Variants in TEX15 observed in about 807,000 individuals in gnomAD.
TEX15 encodes testis-expressed protein 15.
Under a neutral mutation model 237.3 loss-of-function variants are expected in TEX15, and 171 were observed. The ratio of observed to expected loss-of-function variants is 0.72; its 90% CI spans 0.64 to 0.82. The LOEUF (loss-of-function observed/expected upper bound fraction) is 0.82, where lower values mean the gene tolerates loss of function less well. Among genes scored for constraint, TEX15 ranks in the 40% least tolerant of loss-of-function variants. The probability of loss-of-function intolerance (pLI) is 0.00; values close to 1 mark genes in which losing one functional copy is unlikely to be tolerated. For missense variants in TEX15, 3,750 were observed against 3,646.5 expected (o/e 1.03, Z -0.73); for synonymous variants, 1,338 against 1,269.8 (o/e 1.05, Z -1.14).
Position 30,887,198 on chromosome 8 carries a change from G to A in TEX15, c.105C>T (p.Thr35=), listed in dbSNP as rs1294908974. 16 of 1,534,732 alleles carry A rather than the reference G, an allele frequency of 1.0e-5. No homozygotes were observed. The highest frequency in any genetic ancestry group is 1.3e-5 in the Non-Finnish European group (15 of 1,146,502). Residue 35 remains threonine (T), a synonymous_variant, in exon 3 of 11, where the codon ACC becomes ACT. Transcript: ENST00000643185. The part of the protein sequence containing the change: ...TREVNPLKKF[T]IPKIRRTAEK... The stretch of plus-strand genomic sequence containing the variant: ...CAGCTGTCCTCCTGATCTTAGGAAT[G>A]GTGAATTTCTTCAAAGGATTGACTT...
chr8:30,909,767 A>C (rs774249552), intron 1 of TEX15, among the ~76,000 whole-genome samples: 2 of 152,326 alleles, frequency 1.3e-5, no homozygotes, highest in Middle Eastern at 3.4e-3. Context: ...AACATGCTTA[A>C]TTGAACAAAA....
Position 30,849,045 on chromosome 8 carries a change from T to G in TEX15, c.1122A>C (p.Val374=), listed in dbSNP as rs767819272. 6.2e-7 allele frequency: 1 copy of G among 1,614,154 alleles called. No homozygotes were observed. Among genetic ancestry groups the G allele is most frequent in the Non-Finnish European group, 8.5e-7 (1 of 1,180,020 alleles). ...SLAEIRDTSQ[V]LAHDSDISLM... is the part of the protein sequence containing the mutation. ...GTGAAATGTCTGAATCATGTGCAAG[T>G]ACTTGAGAAGTGTCTCTAATTTCTG... Residue 374 remains valine, a synonymous_variant, in exon 8 of 11, where the codon GTA becomes GTC. Coordinates refer to ENST00000643185, the MANE Select transcript of TEX15 (RefSeq NM_001350162.2).
intron 3 of TEX15, among the ~76,000 whole-genome samples, chr8:30,884,376 C>T (rs909357687): frequency 3.3e-5 from 5 of 152,156 alleles, no homozygotes; most frequent in African/African-American, 1.2e-4. Flanking sequence ...ATTCCTTCTA[C>T]TTGTATCTTC....
At chr8:30,865,451 T>C (rs531865378) in intron 5 of TEX15, among the ~76,000 whole-genome samples, 2 of 152,170 alleles carry the variant, frequency 1.3e-5, no homozygotes, top group South Asian at 4.1e-4. Context: ...ACTTCCAAAC[T>C]CATTCCACAA....
intron 2 of TEX15, 87 bp from the exon 3 acceptor site, chr8:30,887,398 A>T: frequency 7.7e-6 from 9 of 1,163,812 alleles, no homozygotes; most frequent in Non-Finnish European, 1.0e-5. Flanking sequence ...GTTCTTCAAC[A>T]AAAGTAAATG....
intron 3 of TEX15, among the ~76,000 whole-genome samples, chr8:30,886,451 T>G (rs937043042): frequency 3.3e-5 from 5 of 152,228 alleles, no homozygotes; most frequent in Non-Finnish European, 5.9e-5. Flanking sequence ...TCACTGACTC[T>G]AACCCTAGTG....
rs904051161 is a variant in TEX15 at position 30,837,717 on chromosome 8, T to C, written c.8567A>G (p.His2856Arg). The C allele has an allele frequency of 1.3e-5, 21 of 1,614,002 alleles. No individual in the cohort carries two copies. The highest frequency in any genetic ancestry group is 1.6e-4 in the Middle Eastern group (1 of 6,084). The change falls in exon 10 of 11, where the codon CAT becomes CGT. Residue 2856 changes from histidine (H) to arginine (R), a missense_variant. Coordinates refer to ENST00000643185, the MANE Select transcript of TEX15 (RefSeq NM_001350162.2). ...AAGAAATTTCTGCAAAAGCGTCCCA[T>C]GGTCTGGTGAAAATGTGCCATGTAC... ...KSVHGTFSPD[H>R]GTLLQKFLKN...
intron 1 of TEX15, 142 bp from the exon 2 acceptor site, chr8:30,898,959 G>C (rs982991920): frequency 6.6e-6 from 1 of 151,958 alleles, no homozygotes; most frequent in Non-Finnish European, 1.5e-5. Flanking sequence ...GTTCCATTCT[G>C]GGGGAGGGAG....
chr8:30,869,696 G>A (rs554798150), intron 4 of TEX15, among the ~76,000 whole-genome samples: 29 of 152,102 alleles, frequency 1.9e-4, no homozygotes, highest in Non-Finnish European at 3.7e-4. Context: ...AGCTTGGGGA[G>A]ACAGATTTGA....
chr8:30,906,259 C>T (rs1285764747), intron 1 of TEX15, among the ~76,000 whole-genome samples: 4 of 152,034 alleles, frequency 2.6e-5, no homozygotes, highest in Non-Finnish European at 5.9e-5. Flanking sequence ...TATTTATTGA[C>T]CTGGGAAGTC....
rs1554502281 is a variant in TEX15 at position 30,889,936 on chromosome 8, T to TATATATATAC, written c.-9-2626_-9-2625insGTATATATAT. 4.9e-3 allele frequency among the ~76,000 whole-genome samples: 617 copies of TATATATATAC among 124,854 alleles called. 15 individuals carry two copies. The highest frequency in any genetic ancestry group is 0.021 in the African/African-American group (568 of 27,516). 81.9% of individuals were successfully genotyped at this position (124,854 alleles called of 152,430 possible). On this transcript the variant is annotated intron_variant, in intron 2 of 10. Transcript: ENST00000643185. ...TATATTTATGTATTAGTTATATACATATATATATATATATATACATATATA... is the reference window on the plus strand; with the variant it reads ...TATATTTATGTATTAGTTATATACATATATATATACATATATATATATATATACATATATA...
chr8:30,864,287 A>G (rs945568238), intron 5 of TEX15, among the ~76,000 whole-genome samples: 2 of 74,952 alleles, frequency 2.7e-5, no homozygotes, highest in African/African-American at 3.3e-4. Context: ...AAAAAGACTA[A>G]AAAAAAAAAA....
In TEX15 at chr8:30,904,826, C is replaced by A. The variant is rs571798703; in HGVS notation, c.-85-6009G>T. On this transcript the variant is annotated intron_variant, in intron 1 of 10. Coordinates refer to ENST00000643185, the MANE Select transcript of TEX15 (RefSeq NM_001350162.2). ...AAACATAGCTGCTGACCATTATTCA[C>A]CTTTTATGATCTGCTGAACCTAAAA... 8.5e-4 allele frequency among the ~76,000 whole-genome samples: 129 copies of A among 151,774 alleles called. 1 individual carries two copies. The highest frequency in any genetic ancestry group is 6.8e-3 in the Middle Eastern group (2 of 294).
At chr8:30,896,971 C>T (rs1201283519) in intron 2 of TEX15, among the ~76,000 whole-genome samples, 1 of 152,110 alleles carries the variant, frequency 6.6e-6, no homozygotes, top group African/African-American at 2.4e-5. Context: ...TATCTAAATT[C>T]TCAGGGCCAA....
rs1807683275 is a variant in TEX15, at chr8:30,848,447, T to C, written c.1720A>G (p.Lys574Glu). ...AQQESGNAYT[K>E]EYSSHIFQDS... is the part of the protein sequence containing the mutation. ...TGAAAAATGTGACTACTGTACTCTT[T>C]TGTATAAGCATTACCGGACTCCTGT... is the stretch of plus-strand genomic sequence containing the variant. The change falls in exon 8 of 11, where the codon AAA (lysine) becomes GAA (glutamate). Residue 574 changes from lysine to glutamate, a missense_variant. By Grantham distance (56) the Lys-to-Glu change is moderately conservative. Transcript: ENST00000643185. 1.2e-6 allele frequency: 2 copies of C among 1,614,052 alleles called. No individual in the cohort carries two copies. Among genetic ancestry groups the C allele is most frequent in the African/African-American group, 1.3e-5 (1 of 74,942 alleles).
chr8:30,862,832 T>C (rs1376428368), intron 5 of TEX15, among the ~76,000 whole-genome samples: 2 of 152,212 alleles, frequency 1.3e-5, no homozygotes, highest in African/African-American at 4.8e-5. Flanking sequence ...GAATAAATCT[T>C]AACCAATTTA....
intron 1 of TEX15, among the ~76,000 whole-genome samples, chr8:30,906,924 G>A (rs564798336): frequency 1.3e-5 from 2 of 152,206 alleles, no homozygotes; most frequent in Non-Finnish European, 2.9e-5. Flanking sequence ...ATGGATTTGA[G>A]GAACTTAAAA....
chr8:30,873,926 C>T (rs577156629), intron 4 of TEX15, among the ~76,000 whole-genome samples: 1 of 152,216 alleles, frequency 6.6e-6, no homozygotes, highest in African/African-American at 2.4e-5. Flanking sequence ...GGTACTTGTT[C>T]TAACTTTTCT....
rs759087416 is a variant in TEX15 at position 30,846,935 on chromosome 8, T to C, written c.3232A>G (p.Thr1078Ala). Residue 1078 changes from threonine to alanine, a missense_variant, in exon 8 of 11, where the codon ACA (threonine) becomes GCA (alanine). Thr to Ala is a moderately conservative substitution (Grantham distance 58, BLOSUM62 0). Transcript: ENST00000643185. ...CAAAGCATGTTTTCATGGCTATGTG[T>C]ATCTTGTTGAAATATAAAAGCATCA... ...CDDAFIFQQD[T>A]HSHENMLCEE... 3.7e-6 allele frequency: 6 copies of C among 1,613,556 alleles called. No homozygotes were observed. In the Admixed American group the frequency reaches 1.0e-4, roughly 27 times the overall value.
Sources: gnomAD v4.1 joint callset for allele counts (sites outside exome capture counted in the v4.1 genomes callset) on GRCh38, gnomAD v4.1.1 for gene constraint, MANE v1.5 for transcripts, NCBI Gene and HGNC (gene_info 2026-07-23, HGNC 2026-07-21) for gene names.